RABGAP1L: variants seen among roughly 807,000 people sequenced by gnomAD.
RABGAP1L encodes rab GTPase-activating protein 1-like.
In RABGAP1L, 63 loss-of-function variants were observed where a neutral mutation model predicts 137.7. The observed-to-expected ratio is 0.46, with a 90% CI of 0.37 to 0.56. RABGAP1L has a LOEUF of 0.56. Ranked by LOEUF, RABGAP1L falls within the 20% of genes least tolerant of loss-of-function variation. The probability of loss-of-function intolerance (pLI) is 0.00; values close to 1 mark genes in which losing one functional copy is unlikely to be tolerated. For missense variants in RABGAP1L, 1,095 were observed against 1,244.0 expected (o/e 0.88, Z 1.80); for synonymous variants, 431 against 433.7 (o/e 0.99, Z 0.08).
At chr1:174,819,621 A>C (rs929947656) in intron 19 of RABGAP1L, among the ~76,000 whole-genome samples, 6 of 152,238 alleles carry the variant, frequency 3.9e-5, no homozygotes, top group African/African-American at 1.4e-4. Flanking sequence ...TGAGATTACA[A>C]GGTATTCCAG....
intron 13 of RABGAP1L, among the ~76,000 whole-genome samples, chr1:174,615,316 C>A (rs956791429): frequency 6.6e-6 from 1 of 152,180 alleles, no homozygotes; most frequent in Non-Finnish European, 1.5e-5. Context: ...AGCTGCAGGT[C>A]TTTTGGGGTT....
At chr1:174,233,046 G>T (rs1380789414) in intron 4 of RABGAP1L, among the ~76,000 whole-genome samples, 1 of 152,096 alleles carries the variant, frequency 6.6e-6, no homozygotes, top group Non-Finnish European at 1.5e-5. Flanking sequence ...TTGGTGTCTG[G>T]TGAGGGCCTG....
chr1:174,509,047 G>A (rs1662092417), intron 13 of RABGAP1L, among the ~76,000 whole-genome samples: 1 of 152,178 alleles, frequency 6.6e-6, no homozygotes, highest in Non-Finnish European at 1.5e-5. Context: ...GTCTATTCAT[G>A]GCAAGGTAAT....
intron 13 of RABGAP1L, among the ~76,000 whole-genome samples, chr1:174,598,048 A>T (rs1009497956): frequency 6.6e-6 from 1 of 152,126 alleles, no homozygotes; most frequent in Admixed American, 6.6e-5. Flanking sequence ...AAAACATTTT[A>T]GGCCAGGTGT....
chr1:174,642,839 C>T lies in RABGAP1L; in HGVS notation c.1824+5351C>T, dbSNP rs1167307588. Among the ~76,000 whole-genome samples, 3 of 147,098 alleles carry T rather than the reference C, an allele frequency of 2.0e-5. No homozygotes were observed. The Admixed American group carries it at 2.1e-4, about 10-fold the overall frequency. On this transcript the variant is annotated intron_variant, in intron 14 of 25. Transcript: ENST00000681986. ...TTGTTCTGTTGCCCAGGCTGGGGTGCAGTGGTGCAATCTTGGTTCATTGCA... is the reference window on the plus strand; with the variant it reads ...TTGTTCTGTTGCCCAGGCTGGGGTGTAGTGGTGCAATCTTGGTTCATTGCA...
At chr1:174,317,868 C>T (rs1319379696) in intron 11 of RABGAP1L, among the ~76,000 whole-genome samples, 1 of 152,128 alleles carries the variant, frequency 6.6e-6, no homozygotes, top group African/African-American at 2.4e-5. Flanking sequence ...ATGCTCCCTC[C>T]ATGGGCGGGC....
intron 5 of RABGAP1L, among the ~76,000 whole-genome samples, chr1:174,248,925 A>G (rs1421086874): frequency 6.6e-6 from 1 of 152,068 alleles, no homozygotes; most frequent in Non-Finnish European, 1.5e-5. Flanking sequence ...AACCCTTCAC[A>G]TTTCACCTTG....
At chr1:174,547,997 C>T in intron 13 of RABGAP1L, 1 of 1,550,482 alleles carries the variant, frequency 6.4e-7, no homozygotes, top group African/African-American at 1.4e-5. Context: ...TTTCCTGAGC[C>T]TGAATTGTAC....
chr1:174,496,713 A>G (rs1391344849), intron 13 of RABGAP1L, among the ~76,000 whole-genome samples: 1 of 152,236 alleles, frequency 6.6e-6, no homozygotes, highest in African/African-American at 2.4e-5. Flanking sequence ...CACCATGACC[A>G]TGAAACAACT....
intron 19 of RABGAP1L, among the ~76,000 whole-genome samples, chr1:174,828,340 C>T (rs1404315264): frequency 6.8e-6 from 1 of 148,056 alleles, no homozygotes. Context: ...CAGTTTATCA[C>T]TCCTCAGAGG....
At chr1:174,957,330 A>G (rs1010078551) in intron 19 of RABGAP1L, 127 bp from the exon 20 acceptor site, 38 of 707,026 alleles carry the variant, frequency 5.4e-5, no homozygotes, top group African/African-American at 1.8e-4. Context: ...TGGAATCTCT[A>G]TTTTTCTCCT....
chr1:174,223,263 C>CT (rs1269131884), intron 3 of RABGAP1L, among the ~76,000 whole-genome samples: 1 of 7,760 alleles, frequency 1.3e-4, no homozygotes. Context: ...GAGACTCTGT[C>CT]TAAAAAAAAA....
chr1:174,703,789 GATA>G (rs1424748640), intron 17 of RABGAP1L, among the ~76,000 whole-genome samples: 1 of 152,138 alleles, frequency 6.6e-6, no homozygotes, highest in Non-Finnish European at 1.5e-5. Flanking sequence ...ACTGTCATAA[GATA>G]ATATCATGTT....
chr1:174,853,827 T>A (rs972782209), intron 19 of RABGAP1L, among the ~76,000 whole-genome samples: 11 of 152,324 alleles, frequency 7.2e-5, no homozygotes, highest in African/African-American at 2.6e-4. Flanking sequence ...TTGATGAGCT[T>A]TGCTAAAGGA....
chr1:174,267,315 C>T (rs567041402), intron 7 of RABGAP1L, among the ~76,000 whole-genome samples: 1 of 152,066 alleles, frequency 6.6e-6, no homozygotes, highest in Non-Finnish European at 1.5e-5. Flanking sequence ...ACTTTTACTT[C>T]GCTATAGAAG....
intron 13 of RABGAP1L, among the ~76,000 whole-genome samples, chr1:174,612,593 C>T (rs548245529): frequency 2.0e-5 from 3 of 152,058 alleles, no homozygotes; most frequent in Non-Finnish European, 4.4e-5. Context: ...GGAGGATTCC[C>T]TCTTTTTCTA....
chr1:174,182,713 G>T (rs1666475194), intron 1 of RABGAP1L, among the ~76,000 whole-genome samples: 2 of 152,048 alleles, frequency 1.3e-5, no homozygotes, highest in South Asian at 2.1e-4. Flanking sequence ...CTCCCCACTT[G>T]AGTGAATCTT....
At position 174,249,512 on chromosome 1, in the gene RABGAP1L, C is replaced by T. The variant is rs973619051; in HGVS notation, c.718-963C>T. On this transcript the variant is annotated intron_variant, in intron 5 of 25. Coordinates refer to ENST00000681986, the MANE Select transcript of RABGAP1L (RefSeq NM_001366446.1). ...GCCTAGAAATATCTATAAATAAATA[C>T]AGTTTATTTTGTGAACTTAAATTAG... Among the ~76,000 whole-genome samples, 33 of 151,726 alleles carry T rather than the reference C, an allele frequency of 2.2e-4. 1 individual carries two copies. The highest frequency in any genetic ancestry group is 1.1e-3 in the Admixed American group (16 of 15,234).
chr1:174,727,827 T>G (rs1402910662), intron 17 of RABGAP1L, among the ~76,000 whole-genome samples: 3 of 152,206 alleles, frequency 2.0e-5, no homozygotes, highest in Non-Finnish European at 4.4e-5. Context: ...TAAAATAAAT[T>G]TTTTTAAAAA....
Sources: allele counts gnomAD v4.1 joint callset (sites outside exome capture counted in the v4.1 genomes callset), GRCh38; gene constraint gnomAD v4.1.1; transcripts MANE v1.5; gene names NCBI Gene and HGNC (gene_info 2026-07-23, HGNC 2026-07-21).